The following PARP2 variants were observed in gnomAD, a reference collection of about 807,000 sequenced individuals.
The protein encoded by PARP2 is poly(ADP-ribose) polymerase 2.
PARP2 carries 57 observed loss-of-function variants against 77.8 expected under a neutral mutation model. The ratio of observed to expected loss-of-function variants is 0.73; its 90% CI spans 0.59 to 0.91. PARP2 has a LOEUF of 0.91. Among genes scored for constraint, PARP2 ranks in the 40% least tolerant of loss-of-function variants. PARP2 has a pLI of 0.00. For missense variants in PARP2, 651 were observed against 689.0 expected, an observed-to-expected ratio of 0.94 and a Z score of 0.62; for synonymous variants, 226 against 242.6, an observed-to-expected ratio of 0.93 and a Z score of 0.64.
intron 4 of PARP2, 43 bp downstream of exon 4, chr14:20,346,956 A>G (rs1883747939): frequency 8.3e-7 from 1 of 1,209,604 alleles, no homozygotes; most frequent in Non-Finnish European, 1.2e-6. Context: ...TTATGAGACC[A>G]TCTTCTTGAT....
intron 4 of PARP2, among the ~76,000 whole-genome samples, chr14:20,350,205 A>G (rs1434947387): frequency 6.6e-6 from 1 of 152,234 alleles, no homozygotes; most frequent in Non-Finnish European, 1.5e-5. Context: ...TGGAAAACAC[A>G]TATAGCTTAG....
chr14:20,353,386 G>T (rs1044972006), intron 7 of PARP2, among the ~76,000 whole-genome samples: 1 of 151,922 alleles, frequency 6.6e-6, no homozygotes, highest in African/African-American at 2.4e-5. Flanking sequence ...GACTACAGGC[G>T]CCCGCCACCA....
chr14:20,350,991 G>C, intron 5 of PARP2, 56 bp from the exon 6 acceptor site: 1 of 1,324,092 alleles, frequency 7.6e-7, no homozygotes, highest in Non-Finnish European at 1.1e-6. Flanking sequence ...AGAGATCTTG[G>C]AGAGCTGGCC....
intron 5 of PARP2, 126 bp from the exon 6 acceptor site, chr14:20,350,921 C>G: frequency 1.4e-6 from 1 of 705,972 alleles, no homozygotes; most frequent in Non-Finnish European, 2.4e-6. Flanking sequence ...ATGATTAGTT[C>G]CCTAAATCCT....
At chr14:20,352,176 C>G (rs1211025281) in intron 6 of PARP2, 69 bp from the exon 7 acceptor site, 1 of 805,138 alleles carries the variant, frequency 1.2e-6, no homozygotes, top group Non-Finnish European at 2.1e-6. Context: ...TGGAGATTTT[C>G]TGTCTTGTAA....
In PARP2 at chr14:20,354,795, G is replaced by T; in HGVS notation, c.764-14G>T. ...GATCCTAGTTTGGAGTCTGATCTCT[G>T]GGTGGGCCTGCAGGGAAGCTGACAG... On this transcript the variant is annotated splice_polypyrimidine_tract_variant and intron_variant, in intron 8 of 15. Coordinates refer to ENST00000429687, the MANE Select transcript of PARP2 (RefSeq NM_001042618.2). The T allele has an allele frequency of 6.2e-7, 1 of 1,606,498 alleles. No individual in the cohort carries two copies. Among genetic ancestry groups the T allele is most frequent in the East Asian group, 2.2e-5 (1 of 44,764 alleles).
At position 20,356,021 on chromosome 14, in the gene PARP2, A is replaced by AAG; in HGVS notation, c.1091_1092insAG (p.Tyr364Ter). The AAG allele has an allele frequency of 1.2e-6, 2 of 1,613,872 alleles. No individual in the cohort carries two copies. Among genetic ancestry groups the AAG allele is most frequent in the Non-Finnish European group, 1.7e-6 (2 of 1,179,874 alleles). The part of the protein sequence containing the change: ...CALRPLDHES[Y>*]EFKVISQYLQ... Reference sequence around the variant, plus strand: ...TTGCGCCCCCTTGACCATGAAAGTTATGAGTTCAAAGTAAGAAAAATGATC... The same window carrying AAG: ...TTGCGCCCCCTTGACCATGAAAGTTAAGTGAGTTCAAAGTAAGAAAAATGATC... The change falls in exon 11 of 16, where the codon TAT (tyrosine) becomes TAAGT (stop). Residue 364 changes from tyrosine (Y) to a stop codon, truncating the protein, a stop_gained and frameshift_variant. Transcript: ENST00000429687. LOFTEE classifies it high-confidence loss of function.
rs1221538981 is a variant in PARP2 at position 20,352,247 on chromosome 14, T to A, written c.500T>A (p.Phe167Tyr). The A allele has an allele frequency of 1.3e-6, 2 of 1,596,300 alleles. No individual in the cohort carries two copies. Among genetic ancestry groups the A allele is most frequent in the East Asian group, 2.2e-5 (1 of 44,790 alleles). The change falls in exon 7 of 16, where the codon TTC becomes TAC. Residue 167 changes from phenylalanine (F) to tyrosine (Y), a missense_variant and splice_region_variant. Physicochemically the swap from Phe to Tyr is conservative, Grantham distance 22. Transcript: ENST00000429687. ...TTCTTACACCTTGGACTCTACAGAT[T>A]CCTTGACAAAACGAAAAACAATTGG... Reference protein sequence around the residue: ...NKAKEIFQKKFLDKTKNNWED... With the variant: ...NKAKEIFQKKYLDKTKNNWED...
intron 4 of PARP2, among the ~76,000 whole-genome samples, chr14:20,347,871 ATTTTT>A (rs200147712): frequency 7.2e-6 from 1 of 138,652 alleles, no homozygotes; most frequent in African/African-American, 2.6e-5. Flanking sequence ...CCTTTTGCAC[ATTTTT>A]TTTTTTTTTT....
chr14:20,352,206 C>A, intron 6 of PARP2, 39 bp from the exon 7 acceptor site: 1 of 1,138,396 alleles, frequency 8.8e-7, no homozygotes, highest in Non-Finnish European at 1.3e-6. Flanking sequence ...CATAGTAGAC[C>A]TTTATTTGTA....
chr14:20,343,713 G>A (rs1400093733), intron 1 of PARP2, 26 bp downstream of exon 1: 2 of 1,606,430 alleles, frequency 1.2e-6, no homozygotes, highest in Non-Finnish European at 1.7e-6. Flanking sequence ...TCGCGGGACG[G>A]CATGCGGGGG....
chr14:20,346,751 T>G, intron 3 of PARP2, 112 bp from the exon 4 acceptor site: 1 of 719,988 alleles, frequency 1.4e-6, no homozygotes, highest in South Asian at 1.5e-5. Flanking sequence ...GAGATGAATG[T>G]TGATGTTGCT....
rs769223139 is a variant in PARP2 at position 20,354,953 on chromosome 14, G to A, written c.902+6G>A. 7 of 1,609,244 alleles carry A rather than the reference G, an allele frequency of 4.3e-6. No homozygotes were observed. The highest frequency in any genetic ancestry group is 5.9e-6 in the Non-Finnish European group (7 of 1,178,208). On this transcript the variant is annotated splice_donor_region_variant and intron_variant, in intron 9 of 15. Coordinates refer to ENST00000429687, the MANE Select transcript of PARP2 (RefSeq NM_001042618.2). Reference sequence around the variant, plus strand: ...AGGATTCCGCATGACTTTGGGTAAGGCCTGTGCTGTTACTTCACTTTGTTC... The same window carrying A: ...AGGATTCCGCATGACTTTGGGTAAGACCTGTGCTGTTACTTCACTTTGTTC...
chr14:20,357,007 C>A, intron 13 of PARP2, 44 bp from the exon 14 acceptor site: 2 of 1,220,696 alleles, frequency 1.6e-6, no homozygotes, highest in Non-Finnish European at 2.4e-6. Context: ...CTCTCTAACA[C>A]AGTGGGTTAG....
chr14:20,346,311 CAGTT>C (rs1259410984), intron 3 of PARP2, among the ~76,000 whole-genome samples: 2 of 145,300 alleles, frequency 1.4e-5, no homozygotes, highest in African/African-American at 2.6e-5. Context: ...TTCTTTAACT[CAGTT>C]AGAATCTTTT....
chr14:20,356,863 C>A (rs1209423130), intron 13 of PARP2, 174 bp downstream of exon 13: 5 of 674,204 alleles, frequency 7.4e-6, no homozygotes, highest in African/African-American at 3.6e-5. Flanking sequence ...CCTAAAGATA[C>A]CTCACCTTTC....
chr14:20,352,099 AT>A lies in PARP2; in HGVS notation c.498-144del, dbSNP rs1883974467. 3 of 501,424 alleles carry A rather than the reference AT, an allele frequency of 6.0e-6. No individual in the cohort carries two copies. The East Asian group carries it at 9.3e-5, about 16-fold the overall frequency. 31.1% of individuals were successfully genotyped at this position (501,424 alleles called of 1,614,324 possible). A position where few individuals can be genotyped will look rare whatever the true frequency, so the allele number is the denominator to read the frequency against. ...TGTCCATTTAGTGTCCTCATTTAGA[AT>A]TAGACTAATTTTGATTTATGGAAAG... On this transcript the variant is annotated intron_variant, in intron 6 of 15. Coordinates refer to ENST00000429687, the MANE Select transcript of PARP2 (RefSeq NM_001042618.2).
chr14:20,355,610 A>C (rs1884115210), intron 9 of PARP2, 142 bp from the exon 10 acceptor site: 1 of 605,834 alleles, frequency 1.7e-6, no homozygotes, highest in South Asian at 2.2e-5. Context: ...AGATCTCTTT[A>C]CAGATCTCTT....
chr14:20,352,247 T>G lies in PARP2; in HGVS notation c.500T>G (p.Phe167Cys). 6.3e-7 allele frequency: 1 copy of G among 1,596,418 alleles called. No homozygotes were observed. The highest frequency in any genetic ancestry group is 8.6e-7 in the Non-Finnish European group (1 of 1,163,946). Residue 167 changes from phenylalanine to cysteine, a missense_variant and splice_region_variant, in exon 7 of 16, where the codon TTC (phenylalanine) becomes TGC (cysteine). Physicochemically the swap from Phe to Cys is radical, Grantham distance 205 (BLOSUM62 -2). Coordinates refer to ENST00000429687, the MANE Select transcript of PARP2 (RefSeq NM_001042618.2). ...TTCTTACACCTTGGACTCTACAGAT[T>G]CCTTGACAAAACGAAAAACAATTGG... ...NKAKEIFQKK[F>C]LDKTKNNWED...
Sources: allele counts gnomAD v4.1 joint callset (sites outside exome capture counted in the v4.1 genomes callset), GRCh38; gene constraint gnomAD v4.1.1; transcripts MANE v1.5; gene names NCBI Gene and HGNC (gene_info 2026-07-23, HGNC 2026-07-21).